The following C3orf18 variants were observed in gnomAD, a reference collection of about 807,000 sequenced individuals.
The protein encoded by C3orf18 is chromosome 3 open reading frame 18, also known as uncharacterized protein C3orf18.
C3orf18 carries 12 observed loss-of-function variants against 14.1 expected under a neutral mutation model. The observed-to-expected ratio is 0.85, with a 90% CI of 0.55 to 1.38. C3orf18 has a LOEUF of 1.38. Among genes scored for constraint, C3orf18 ranks in the 40% most tolerant of loss-of-function variants. The pLI is 0.00. For missense variants in C3orf18, 196 were observed against 213.9 expected (o/e 0.92, Z 0.52); for synonymous variants, 82 against 87.9 (o/e 0.93, Z 0.38).
chr3:50,559,686 T>G lies in C3orf18; in HGVS notation c.460A>C (p.Thr154Pro). Residue 154 changes from threonine to proline, a missense_variant, in exon 6 of 6, where the codon ACC becomes CCC. Transcript: ENST00000357203. Reference protein sequence around the residue: ...PLQRPSRLVFTDVANAIHA With the variant: ...PLQRPSRLVFPDVANAIHA ...GCATGGATGGCATTGGCCACATCGG[T>G]AAACACCAGCCGGCTGGGTCTCTGC... is the stretch of plus-strand genomic sequence containing the variant. The G allele has an allele frequency of 6.3e-7, 1 of 1,595,396 alleles. No homozygotes were observed. The highest frequency in any genetic ancestry group is 1.7e-5 in the Admixed American group (1 of 57,690).
intron 5 of C3orf18, among the ~76,000 whole-genome samples, chr3:50,560,194 T>C (rs1014113677): frequency 6.6e-6 from 1 of 152,192 alleles, no homozygotes; most frequent in African/African-American, 2.4e-5. Context: ...CAAAGGGTCT[T>C]CAGACTTCCA....
intron 1 of C3orf18, among the ~76,000 whole-genome samples, chr3:50,566,969 G>C (rs1700346375): frequency 6.6e-6 from 1 of 152,154 alleles, no homozygotes; most frequent in Non-Finnish European, 1.5e-5. Context: ...CTGGTTCATG[G>C]GCATTAGTGG....
rs1433587343 is a variant in C3orf18 at position 50,565,917 on chromosome 3, T to C, written c.-162-56A>G. 3 of 575,458 alleles carry C rather than the reference T, an allele frequency of 5.2e-6. No individual in the cohort carries two copies. The highest frequency in any genetic ancestry group is 1.9e-5 in the African/African-American group (1 of 53,502). 35.6% of individuals were successfully genotyped at this position (575,458 alleles called of 1,614,324 possible). A position where few individuals can be genotyped will look rare whatever the true frequency, so the allele number is the denominator to read the frequency against. ...TAAGGACAGGGGCTCAGTAGTGAGA[T>C]GAAGTCTCTCTAGGTTCTGAAAGCA... On this transcript the variant is annotated intron_variant, in intron 2 of 5. Coordinates refer to ENST00000357203, the MANE Select transcript of C3orf18 (RefSeq NM_016210.5). This position sits in a 1 kb window ranked among gnomAD's most constrained non-coding sequence, Gnocchi z 4.4.
upstream of C3orf18, among the ~76,000 whole-genome samples, chr3:50,572,633 G>A (rs1376979054): frequency 6.6e-6 from 1 of 152,216 alleles, no homozygotes; most frequent in Admixed American, 6.5e-5. Context: ...GCAACCTTGG[G>A]CAGGTCACTG....
chr3:50,571,025 C>G, upstream of C3orf18: 1 of 1,154,340 alleles, frequency 8.7e-7, no homozygotes, highest in Non-Finnish European at 1.2e-6. Flanking sequence ...AGGGGCCACT[C>G]TCAGCACTCA....
rs1290309929 is a variant in C3orf18, at chr3:50,558,632, G to A, written c.*1025C>T. 5.7e-6 allele frequency: 7 copies of A among 1,222,056 alleles called. No individual in the cohort carries two copies. Among genetic ancestry groups the A allele is most frequent in the Non-Finnish European group, 7.4e-6 (7 of 943,796 alleles). The allele number at this position is 1,222,056 out of a possible 1,614,324, so 75.7% of individuals were successfully genotyped here. A position where few individuals can be genotyped will look rare whatever the true frequency, so the allele number is the denominator to read the frequency against. On this transcript the variant is annotated 3_prime_UTR_variant, in exon 6 of 6. Transcript: ENST00000357203. ...CTGCAGCCTGTGATTACTGCCCTCA[G>A]ACCAACAGCCTCTCCCAACCCCAGA...
rs1450228436 is a variant in C3orf18, at chr3:50,567,610, T to A, written c.-399A>T. 2.0e-5 allele frequency: 3 copies of A among 152,060 alleles called. No homozygotes were observed. The highest frequency in any genetic ancestry group is 6.5e-5 in the Admixed American group (1 of 15,274). 9.4% of individuals were successfully genotyped at this position (152,060 alleles called of 1,614,324 possible). On this transcript the variant is annotated 5_prime_UTR_variant, in exon 1 of 6. Coordinates refer to ENST00000357203, the MANE Select transcript of C3orf18 (RefSeq NM_016210.5). ...GCCCTCCCTGCAAGCCCCGAGCCGC[T>A]GGCCAGGCCCGCTACTGCGCACCAG...
chr3:50,561,904 CTTT>C (rs35405680), intron 3 of C3orf18, 157 bp from the exon 4 acceptor site: 59 of 598,954 alleles, frequency 9.9e-5, no homozygotes, highest in Non-Finnish European at 1.3e-4. Context: ...CTTCATGCCT[CTTT>C]TTTTTTTTTT....
upstream of C3orf18, chr3:50,571,657 G>T (rs1451465135): frequency 6.6e-7 from 1 of 1,524,582 alleles, no homozygotes; most frequent in Non-Finnish European, 9.1e-7. Flanking sequence ...AGACACCTGG[G>T]TTGGGGGCCT....
chr3:50,572,167 A>T (rs779751931), upstream of C3orf18: 18 of 1,613,812 alleles, frequency 1.1e-5, no homozygotes. Context: ...GCTCAGCCTA[A>T]GGATGGTGCC....
rs1209936251 is a variant in C3orf18 at position 50,558,885 on chromosome 3, TG to T, written c.*771del. 1 of 1,289,750 alleles carries T rather than the reference TG, an allele frequency of 7.8e-7. No individual in the cohort carries two copies. 79.9% of individuals were successfully genotyped at this position (1,289,750 alleles called of 1,614,324 possible). ...GACAATCTCATTCTGCCCGCTGTGC[TG>T]GGACAGGCACATGTCTGCCCATGGG... is the stretch of plus-strand genomic sequence containing the variant. On this transcript the variant is annotated 3_prime_UTR_variant, in exon 6 of 6. Coordinates refer to ENST00000357203, the MANE Select transcript of C3orf18 (RefSeq NM_016210.5).
At chr3:50,568,775 G>T (rs892672652), upstream of C3orf18, among the ~76,000 whole-genome samples, 6 of 151,432 alleles carry the variant, frequency 4.0e-5, no homozygotes, top group African/African-American at 1.5e-4. Flanking sequence ...GTAGTTAACA[G>T]TGTTCTAGTT....
Position 50,565,805 on chromosome 3 carries a change from G to A in C3orf18, c.-106C>T, listed in dbSNP as rs1700258604. ...CAGCCTGTGGTTCCTGCCACCTGTGGTGGCCACCTGCACAGCCACCTCCTT... is the reference window on the plus strand; with the variant it reads ...CAGCCTGTGGTTCCTGCCACCTGTGATGGCCACCTGCACAGCCACCTCCTT... On this transcript the variant is annotated 5_prime_UTR_variant, in exon 3 of 6. Coordinates refer to ENST00000357203, the MANE Select transcript of C3orf18 (RefSeq NM_016210.5). The surrounding 1 kb of genome is among the most constrained non-coding windows in gnomAD (Gnocchi z 4.4). 8 of 776,380 alleles carry A rather than the reference G, an allele frequency of 1.0e-5. No individual in the cohort carries two copies. Among genetic ancestry groups the A allele is most frequent in the Non-Finnish European group, 1.2e-5 (6 of 485,224 alleles). 48.1% of individuals were successfully genotyped at this position (776,380 alleles called of 1,614,324 possible).
At chr3:50,573,486 A>G (rs1307210203), upstream of C3orf18, among the ~76,000 whole-genome samples, 1 of 152,206 alleles carries the variant, frequency 6.6e-6, no homozygotes, top group Non-Finnish European at 1.5e-5. Context: ...GGCACCAGCC[A>G]TATGTGCCAG....
chr3:50,566,685 C>T (rs940209407), intron 1 of C3orf18, among the ~76,000 whole-genome samples: 10 of 152,054 alleles, frequency 6.6e-5, no homozygotes, highest in African/African-American at 2.2e-4. Flanking sequence ...GGGGCTTCTC[C>T]GCAGGCTCTC....
chr3:50,565,262 G>A lies in C3orf18; in HGVS notation c.234+204C>T, dbSNP rs755580408. On this transcript the variant is annotated intron_variant, in intron 3 of 5. Transcript: ENST00000357203. This position sits in a 1 kb window ranked among gnomAD's most constrained non-coding sequence, Gnocchi z 4.4. The stretch of plus-strand genomic sequence containing the variant: ...CACACCTGTAATCCCAGCTACTTGG[G>A]AGGCTGAGGCAGGAGACTCGATTAA... 1.9e-4 allele frequency: 107 copies of A among 560,552 alleles called. No individual in the cohort carries two copies. Among genetic ancestry groups the A allele is most frequent in the Non-Finnish European group, 3.1e-4 (97 of 313,714 alleles). The allele number at this position is 560,552 out of a possible 1,614,324, so 34.7% of individuals were successfully genotyped here. A position where few individuals can be genotyped will look rare whatever the true frequency, so the allele number is the denominator to read the frequency against.
chr3:50,560,955 C>CA lies in C3orf18; in HGVS notation c.369dup (p.Val124CysfsTer70). 1 of 1,614,000 alleles carries CA rather than the reference C, an allele frequency of 6.2e-7. No individual in the cohort carries two copies. Among genetic ancestry groups the CA allele is most frequent in the Non-Finnish European group, 8.5e-7 (1 of 1,179,950 alleles). On this transcript the variant is annotated frameshift_variant, in exon 5 of 6. Coordinates refer to ENST00000357203, the MANE Select transcript of C3orf18 (RefSeq NM_016210.5). LOFTEE classifies it high-confidence loss of function. ...GCCTGCACAGAAGTAGCAGCCTGTA[C>CA]AGAGGCGGCGTCCCGCCCATGCTCC...
chr3:50,571,160 G>A (rs775852273), upstream of C3orf18: 5 of 1,613,426 alleles, frequency 3.1e-6, no homozygotes, highest in Middle Eastern at 1.7e-4. Context: ...GGGAGGAGGG[G>A]AAGTACCCGG....
chr3:50,571,422 T>C, upstream of C3orf18: 1 of 985,606 alleles, frequency 1.0e-6, no homozygotes, highest in Non-Finnish European at 1.5e-6. Context: ...CTAAGAGTGC[T>C]TAGCTGAGAC....
Sources: allele counts gnomAD v4.1 joint callset (sites outside exome capture counted in the v4.1 genomes callset), GRCh38; gene constraint gnomAD v4.1.1; non-coding constraint Gnocchi (gnomAD v3.1); transcripts MANE v1.5; gene names NCBI Gene and HGNC (gene_info 2026-07-23, HGNC 2026-07-21).